Variants in CIMAP1D observed in about 807,000 individuals in gnomAD.
CIMAP1D encodes the protein protein CIMAP1D.
chr19:467,075 G>GGGTA, the CIMAP1D span, among the ~76,000 whole-genome samples: 3 of 120,756 alleles, frequency 2.5e-5, no homozygotes, highest in Admixed American at 8.3e-5. Context: ...GTGGGTGGGT[G>GGGTA]GATGGATGAG....
chr19:490,640 G>A, the CIMAP1D span, among the ~76,000 whole-genome samples: 3 of 152,324 alleles, frequency 2.0e-5, no homozygotes, highest in African/African-American at 4.8e-5. Flanking sequence ...CAATAGCTGC[G>A]TCCGTTTCTA....
chr19:491,095 CAA>C, the CIMAP1D span, among the ~76,000 whole-genome samples: 23 of 114,908 alleles, frequency 2.0e-4, no homozygotes, highest in Non-Finnish European at 1.9e-4. Context: ...GGCTTTGTCT[CAA>C]AAAAAAAAAA....
chr19:482,893 C>T, the CIMAP1D span, among the ~76,000 whole-genome samples: 1 of 152,192 alleles, frequency 6.6e-6, no homozygotes, highest in South Asian at 2.1e-4. Context: ...ACTTCACCTC[C>T]TTTACAATTT....
the CIMAP1D span, among the ~76,000 whole-genome samples, chr19:485,605 G>A: frequency 1.7e-4 from 26 of 152,308 alleles, no homozygotes; most frequent in African/African-American, 5.5e-4. Context: ...TGGGGTTAGC[G>A]ATCCTCCCAC....
the CIMAP1D span, among the ~76,000 whole-genome samples, chr19:471,903 C>T: frequency 2.6e-5 from 4 of 152,202 alleles, no homozygotes; most frequent in South Asian, 4.2e-4. Context: ...CCACCACGCC[C>T]GGCTAATTTT....
At chr19:480,054 T>C in the CIMAP1D span, among the ~76,000 whole-genome samples, 2 of 152,208 alleles carry the variant, frequency 1.3e-5, no homozygotes, top group African/African-American at 4.8e-5. Context: ...CGATGTGAAC[T>C]GGGAGGTCGG....
At chr19:463,854 C>T in the CIMAP1D span, 6 of 1,608,216 alleles carry the variant, frequency 3.7e-6, no homozygotes, top group East Asian at 2.2e-5. Context: ...CTAGCAGCAG[C>T]GGCCGGGCAG....
At chr19:466,469 A>G in the CIMAP1D span, among the ~76,000 whole-genome samples, 6 of 135,546 alleles carry the variant, frequency 4.4e-5, no homozygotes, top group Non-Finnish European at 9.6e-5. Context: ...GGGTGGATGG[A>G]TGAGTGAATG....
the CIMAP1D span, among the ~76,000 whole-genome samples, chr19:484,594 G>A: frequency 6.6e-6 from 1 of 152,218 alleles, no homozygotes; most frequent in African/African-American, 2.4e-5. Flanking sequence ...GCAAAGGCCT[G>A]GAGGAAGTCA....
At chr19:482,911 T>C in the CIMAP1D span, among the ~76,000 whole-genome samples, 5 of 152,106 alleles carry the variant, frequency 3.3e-5, no homozygotes, top group Non-Finnish European at 5.9e-5. Context: ...TTTCCTGCAG[T>C]GAACTTCCCA....
the CIMAP1D span, among the ~76,000 whole-genome samples, chr19:471,426 G>A: frequency 2.0e-5 from 3 of 151,722 alleles, no homozygotes; most frequent in Non-Finnish European, 4.4e-5. Context: ...GGGATTACAG[G>A]GGTGAGCCAC....
the CIMAP1D span, among the ~76,000 whole-genome samples, chr19:488,949 G>C: frequency 6.6e-6 from 1 of 152,000 alleles, no homozygotes; most frequent in Non-Finnish European, 1.5e-5. Flanking sequence ...ACAGCCGCCA[G>C]GGCGTCCGCG....
the CIMAP1D span, among the ~76,000 whole-genome samples, chr19:488,817 G>C: frequency 2.0e-5 from 3 of 152,204 alleles, no homozygotes; most frequent in African/African-American, 7.2e-5. Context: ...AGGCCTCCCG[G>C]GACCAGCGCG....
At chr19:488,812 T>C in the CIMAP1D span, among the ~76,000 whole-genome samples, 1 of 152,108 alleles carries the variant, frequency 6.6e-6, no homozygotes, top group South Asian at 2.1e-4. Context: ...CGGCCAGGCC[T>C]CCCGGGACCA....
the CIMAP1D span, among the ~76,000 whole-genome samples, chr19:491,624 C>G: frequency 2.7e-5 from 4 of 148,092 alleles, no homozygotes; most frequent in Non-Finnish European, 5.9e-5. Flanking sequence ...CAGGCAGAGC[C>G]GGCCCCAAGC....
At chr19:484,181 A>G in the CIMAP1D span, among the ~76,000 whole-genome samples, 43,050 of 135,614 alleles carry the variant, frequency 0.32, 6,396 homozygotes, top group African/African-American at 0.36. Context: ...CACTCTTGTC[A>G]CCAGGCTGCA....
At chr19:481,467 G>A in the CIMAP1D span, among the ~76,000 whole-genome samples, 39 of 115,908 alleles carry the variant, frequency 3.4e-4, 1 homozygote, top group Non-Finnish European at 5.5e-4. Context: ...ATGATGGGAA[G>A]GATGATGGGG....
chr19:481,077 G>A, the CIMAP1D span, among the ~76,000 whole-genome samples: 1 of 125,978 alleles, frequency 7.9e-6, no homozygotes, highest in Non-Finnish European at 1.7e-5. Context: ...ATGATGGGAA[G>A]GATGATGGAG....
At chr19:466,316 T>A in the CIMAP1D span, among the ~76,000 whole-genome samples, 1 of 107,298 alleles carries the variant, frequency 9.3e-6, no homozygotes. Flanking sequence ...GATGGGTGGA[T>A]AGATGGTTGG....
Sources: gnomAD v4.1 joint callset for allele counts (sites outside exome capture counted in the v4.1 genomes callset) on GRCh38, gnomAD v4.1.1 for gene constraint, MANE v1.5 for transcripts, NCBI Gene and HGNC (gene_info 2026-07-23, HGNC 2026-07-21) for gene names.